Variants in TUBA8 observed in about 807,000 individuals in gnomAD.
TUBA8 encodes tubulin alpha-8 chain.
A neutral mutation model predicts 34.7 loss-of-function variants in TUBA8; 29 were observed. That is an observed-to-expected ratio of 0.84 (90% confidence interval 0.62 to 1.14). The LOEUF (loss-of-function observed/expected upper bound fraction) is 1.14. TUBA8 is among the 50% of genes most tolerant of loss of function. The probability of loss-of-function intolerance (pLI) is 0.00; values close to 1 mark genes in which losing one functional copy is unlikely to be tolerated. For missense variants in TUBA8, 541 were observed against 599.2 expected (o/e 0.90, Z 1.01); for synonymous variants, 226 against 231.2 (o/e 0.98, Z 0.21).
Position 18,121,541 on chromosome 22 carries a change from G to C in TUBA8, c.66G>C (p.Glu22Asp). ...TTCAGATTGGCAATGCCTGCTGGGA[G>C]CTCTTCTGCCTGGAACACGGCATCC... ...AGVQIGNACW[E>D]LFCLEHGIQA... The change falls in exon 2 of 5, where the codon GAG becomes GAC. Residue 22 changes from glutamate (E) to aspartate (D), a missense_variant. Coordinates refer to ENST00000330423, the MANE Select transcript of TUBA8 (RefSeq NM_018943.3). This position sits in a 1 kb window ranked among gnomAD's most constrained non-coding sequence, Gnocchi z 4.8. 6.2e-7 allele frequency: 1 copy of C among 1,614,230 alleles called. No homozygotes were observed. The highest frequency in any genetic ancestry group is 1.1e-5 in the South Asian group (1 of 91,090).
At chr22:18,129,846 C>T (rs899046386) in intron 4 of TUBA8, 2 of 152,236 alleles carry the variant, frequency 1.3e-5, no homozygotes, top group Admixed American at 6.5e-5. Flanking sequence ...CGGTTTGCCA[C>T]ATTAGACTTG....
chr22:18,110,884 G>C lies in TUBA8; in HGVS notation c.3+16G>C. The C allele has an allele frequency of 6.5e-7, 1 of 1,546,832 alleles. No homozygotes were observed. Among genetic ancestry groups the C allele is most frequent in the Non-Finnish European group, 8.7e-7 (1 of 1,153,088 alleles). ...GGCAGCGATGGTGAGGCTTCCCGGG[G>C]CCAGGCGGGCTGCGGGCGCGCGGCA... On this transcript the variant is annotated intron_variant, in intron 1 of 4. Transcript: ENST00000330423. The surrounding 1 kb of genome is among the most constrained non-coding windows in gnomAD (Gnocchi z 6.2).
Position 18,110,920 on chromosome 22 carries a change from C to T in TUBA8, c.3+52C>T, listed in dbSNP as rs1157634500. On this transcript the variant is annotated intron_variant, in intron 1 of 4. Coordinates refer to ENST00000330423, the MANE Select transcript of TUBA8 (RefSeq NM_018943.3). The surrounding 1 kb of genome is among the most constrained non-coding windows in gnomAD (Gnocchi z 6.2). ...TGCGGGCGCGCGGCAGGCGTAGGAC[C>T]GAGAGCCGAGTCTACGCGGAGGCGC... The T allele has an allele frequency of 1.3e-6, 2 of 1,537,850 alleles. No homozygotes were observed.
intron 1 of TUBA8, chr22:18,120,013 T>C (rs1602493023): frequency 1.3e-5 from 2 of 152,356 alleles, no homozygotes; most frequent in South Asian, 4.1e-4. Context: ...TCGCCTTGTG[T>C]GGGCCACTGC....
In TUBA8 at chr22:18,124,523, C is replaced by A; in HGVS notation, c.375+219C>A. On this transcript the variant is annotated intron_variant, in intron 3 of 4. Transcript: ENST00000330423. This position sits in a 1 kb window ranked among gnomAD's most constrained non-coding sequence, Gnocchi z 4.3. ...ATAGACTGTGTTCCAGGCTGAGGCC[C>A]TACTCATACTCATTGATACTCTCTG... 1 of 560,824 alleles carries A rather than the reference C, an allele frequency of 1.8e-6. No homozygotes were observed. The highest frequency in any genetic ancestry group is 3.1e-6 in the Non-Finnish European group (1 of 320,202). The allele number at this position is 560,824 out of a possible 1,614,324, so 34.7% of individuals were successfully genotyped here. A position where few individuals can be genotyped will look rare whatever the true frequency, so the allele number is the denominator to read the frequency against.
chr22:18,119,730 G>A lies in TUBA8; in HGVS notation c.4-1749G>A, dbSNP rs1398195493. ...GCACAGTTGTAAAATTGAACTAGGG[G>A]GCAATGGTCCTGATGCTCTGACCCC... is the stretch of plus-strand genomic sequence containing the variant. On this transcript the variant is annotated intron_variant, in intron 1 of 4. Transcript: ENST00000330423. The surrounding 1 kb of genome is among the most constrained non-coding windows in gnomAD (Gnocchi z 5.9). 4 of 152,348 alleles carry A rather than the reference G, an allele frequency of 2.6e-5. No individual in the cohort carries two copies. The highest frequency in any genetic ancestry group is 9.6e-5 in the African/African-American group (4 of 41,452). The allele number at this position is 152,348 out of a possible 1,614,324, so 9.4% of individuals were successfully genotyped here.
Position 18,131,596 on chromosome 22 carries a change from C to CATTTTTTTA in TUBA8, c.*462_*463insTTTTTTAAT. On this transcript the variant is annotated 3_prime_UTR_variant, in exon 5 of 5. Coordinates refer to ENST00000330423, the MANE Select transcript of TUBA8 (RefSeq NM_018943.3). The surrounding 1 kb of genome is among the most constrained non-coding windows in gnomAD (Gnocchi z 5.3). ...CGCTCCGGGCATCATCTAGACTTAG[C>CATTTTTTTA]ATGCATTCACTCCCCCATCACATAT... 8.9e-6 allele frequency: 2 copies of CATTTTTTTA among 225,794 alleles called. No homozygotes were observed. The highest frequency in any genetic ancestry group is 1.8e-5 in the Non-Finnish European group (2 of 112,726). The allele number at this position is 225,794 out of a possible 1,614,324, so 14.0% of individuals were successfully genotyped here. A position where few individuals can be genotyped will look rare whatever the true frequency, so the allele number is the denominator to read the frequency against.
In TUBA8 at chr22:18,119,646, C is replaced by T. The variant is rs528619797; in HGVS notation, c.4-1833C>T. The T allele has an allele frequency of 5.9e-5, 9 of 152,462 alleles. No individual in the cohort carries two copies. Among genetic ancestry groups the T allele is most frequent in the African/African-American group, 1.9e-4 (8 of 41,580 alleles). 9.4% of individuals were successfully genotyped at this position (152,462 alleles called of 1,614,324 possible). On this transcript the variant is annotated intron_variant, in intron 1 of 4. Transcript: ENST00000330423. The surrounding 1 kb of genome is among the most constrained non-coding windows in gnomAD (Gnocchi z 5.9). ...CACGCTCACCCCTGTGCTCATCCTC[C>T]CTCAAGGCAAGGACCAGGTGTCGCT... is the stretch of plus-strand genomic sequence containing the variant.
rs1402731511 is a variant in TUBA8, at chr22:18,119,955, C to G, written c.4-1524C>G. ...TGGGTAAAAATAGAAACCCACAGAC[C>G]TGGCACATGCTTCCTGCTGGGCTCA... On this transcript the variant is annotated intron_variant, in intron 1 of 4. Coordinates refer to ENST00000330423, the MANE Select transcript of TUBA8 (RefSeq NM_018943.3). This position sits in a 1 kb window ranked among gnomAD's most constrained non-coding sequence, Gnocchi z 5.9. 2 of 152,220 alleles carry G rather than the reference C, an allele frequency of 1.3e-5. No individual in the cohort carries two copies. Among genetic ancestry groups the G allele is most frequent in the Non-Finnish European group, 2.9e-5 (2 of 68,054 alleles). 9.4% of individuals were successfully genotyped at this position (152,220 alleles called of 1,614,324 possible). A position where few individuals can be genotyped will look rare whatever the true frequency, so the allele number is the denominator to read the frequency against.
intron 4 of TUBA8, chr22:18,127,671 G>C (rs937289275): frequency 2.0e-5 from 3 of 148,822 alleles, no homozygotes; most frequent in East Asian, 2.0e-4. Context: ...GGGATTACAG[G>C]CGTGAGCCAC....
At chr22:18,125,453 T>TGCA (rs983098334) in intron 3 of TUBA8, 8 of 147,644 alleles carry the variant, frequency 5.4e-5, no homozygotes, top group Non-Finnish European at 1.0e-4. Context: ...AGGCGGAGTT[T>TGCA]GCAGTGAACC....
chr22:18,111,072 G>A lies in TUBA8; in HGVS notation c.3+204G>A. 1 of 724,048 alleles carries A rather than the reference G, an allele frequency of 1.4e-6. No individual in the cohort carries two copies. The highest frequency in any genetic ancestry group is 2.3e-6 in the Non-Finnish European group (1 of 438,730). 44.9% of individuals were successfully genotyped at this position (724,048 alleles called of 1,614,324 possible). A position where few individuals can be genotyped will look rare whatever the true frequency, so the allele number is the denominator to read the frequency against. ...TATCGTATGGGGGAAATAGAGACCA[G>A]GGGCCAGTTGTTCCTTAAAGGGACC... On this transcript the variant is annotated intron_variant, in intron 1 of 4. Coordinates refer to ENST00000330423, the MANE Select transcript of TUBA8 (RefSeq NM_018943.3). This position sits in a 1 kb window ranked among gnomAD's most constrained non-coding sequence, Gnocchi z 5.1.
chr22:18,117,020 A>G (rs1569197943), intron 1 of TUBA8: 1 of 152,252 alleles, frequency 6.6e-6, no homozygotes, highest in Non-Finnish European at 1.5e-5. Flanking sequence ...GACTGCGTGC[A>G]ATGGCCCAGG....
At chr22:18,127,343 A>G (rs362249) in intron 4 of TUBA8, 107,123 of 304,550 alleles carry the variant, frequency 0.35, 26,865 homozygotes, top group African/African-American at 0.82. Context: ...CACCTGAAGT[A>G]CAGTGCTTTT....
intron 2 of TUBA8, 194 bp from the exon 3 acceptor site, chr22:18,123,962 C>G: frequency 3.0e-6 from 2 of 658,126 alleles, no homozygotes; most frequent in South Asian, 3.5e-5. Flanking sequence ...GAGCCACAGG[C>G]CTTGGCTCTG....
chr22:18,121,469 C>A lies in TUBA8; in HGVS notation c.4-10C>A, dbSNP rs774170260. The A allele has an allele frequency of 1.5e-5, 24 of 1,613,246 alleles. No homozygotes were observed. The highest frequency in any genetic ancestry group is 1.7e-5 in the Non-Finnish European group (20 of 1,179,260). Reference sequence around the variant, plus strand: ...GACTCTCTGACCTCGTTGCTTCCCTCTCCCCACAGCGGGAATGCATATCAG... The same window carrying A: ...GACTCTCTGACCTCGTTGCTTCCCTATCCCCACAGCGGGAATGCATATCAG... On this transcript the variant is annotated splice_polypyrimidine_tract_variant and intron_variant, in intron 1 of 4. Coordinates refer to ENST00000330423, the MANE Select transcript of TUBA8 (RefSeq NM_018943.3). This position sits in a 1 kb window ranked among gnomAD's most constrained non-coding sequence, Gnocchi z 4.8.
At chr22:18,112,079 C>T (rs764777974) in intron 1 of TUBA8, 2 of 152,074 alleles carry the variant, frequency 1.3e-5, no homozygotes, top group African/African-American at 2.4e-5. Flanking sequence ...ACAAAGGGCC[C>T]GGAGCTGCCA....
At chr22:18,122,808 G>A (rs1220232281) in intron 2 of TUBA8, 1 of 152,122 alleles carries the variant, frequency 6.6e-6, no homozygotes, top group Admixed American at 6.6e-5. Context: ...AAGGACTTAA[G>A]TTAAATTGTT....
intron 1 of TUBA8, chr22:18,114,987 C>T (rs1290707382): frequency 6.6e-6 from 1 of 152,116 alleles, no homozygotes; most frequent in Non-Finnish European, 1.5e-5. Flanking sequence ...AAAAAAAGGG[C>T]TTCTTGCAGC....
Sources: allele counts gnomAD v4.1 joint callset, GRCh38; gene constraint gnomAD v4.1.1; non-coding constraint Gnocchi (gnomAD v3.1); transcripts MANE v1.5; gene names NCBI Gene and HGNC (gene_info 2026-07-23, HGNC 2026-07-21).